The following OSBP2 variants were observed in gnomAD, a reference collection of about 807,000 sequenced individuals.
OSBP2 encodes oxysterol binding protein 2.
OSBP2 carries 66 observed loss-of-function variants against 96.0 expected under a neutral mutation model. That is an observed-to-expected ratio of 0.69 (90% CI 0.56 to 0.84). The LOEUF is 0.84. Ranked by LOEUF, OSBP2 falls within the 40% of genes least tolerant of loss-of-function variation. The pLI, the probability that OSBP2 is intolerant of heterozygous loss-of-function variation, is 0.00. For missense variants in OSBP2, 1,038 were observed against 1,222.7 expected (o/e 0.85, Z 2.25); for synonymous variants, 525 against 520.9 (o/e 1.01, Z -0.11).
rs552583184 is a variant in OSBP2, at chr22:30,834,905, T to C, written c.854-35524T>C. ...ATCTTGGCTCACTGCAACCTCTGCC[T>C]CCTGGGTTCAAGTGATTCTCATTCC... On this transcript the variant is annotated intron_variant, in intron 2 of 13. Coordinates refer to ENST00000332585, the MANE Select transcript of OSBP2 (RefSeq NM_030758.4). Among the ~76,000 whole-genome samples the C allele has an allele frequency of 3.7e-4, 57 of 152,168 alleles. 1 individual carries two copies. The South Asian group carries it at 7.9e-3, about 21-fold the overall frequency.
chr22:30,834,847 G>A (rs1215594959), intron 2 of OSBP2, among the ~76,000 whole-genome samples: 4 of 148,646 alleles, frequency 2.7e-5, no homozygotes, highest in African/African-American at 5.0e-5. Context: ...ATGGAGTCTC[G>A]CTTGGTCGCC....
Position 30,778,169 on chromosome 22 carries a change from C to CTTTTTTTTTTTTTTTTTTTTTTTTT in OSBP2, c.853+36800_853+36801insTTTTTTTTTTTTTTTTTTTTTTTTT, listed in dbSNP as rs1569119423. Among the ~76,000 whole-genome samples the CTTTTTTTTTTTTTTTTTTTTTTTTT allele has an allele frequency of 4.8e-5, 6 of 124,184 alleles. 1 individual carries two copies. Among genetic ancestry groups the CTTTTTTTTTTTTTTTTTTTTTTTTT allele is most frequent in the Admixed American group, 1.7e-4 (2 of 11,604 alleles). 81.5% of individuals were successfully genotyped at this position (124,184 alleles called of 152,430 possible). ...ACCAGCATGCCCGGCTAATTTTTGC[C>CTTTTTTTTTTTTTTTTTTTTTTTTT]CTTTTTTTTTTTTTTTTTTTTAGTA... On this transcript the variant is annotated intron_variant, in intron 2 of 13. Transcript: ENST00000332585.
At chr22:30,774,951 A>G (rs2090410032) in intron 2 of OSBP2, among the ~76,000 whole-genome samples, 1 of 152,208 alleles carries the variant, frequency 6.6e-6, no homozygotes, top group South Asian at 2.1e-4. Flanking sequence ...ATACACGTAT[A>G]TGGTCCCCGT....
chr22:30,801,127 A>G (rs769874722), intron 2 of OSBP2, among the ~76,000 whole-genome samples: 19 of 152,192 alleles, frequency 1.2e-4, no homozygotes, highest in Non-Finnish European at 2.2e-4. Flanking sequence ...CTTGGCAAAC[A>G]TTGGGTGTTT....
chr22:30,844,873 C>T (rs1477175408), intron 2 of OSBP2, among the ~76,000 whole-genome samples: 1 of 152,136 alleles, frequency 6.6e-6, no homozygotes, highest in Admixed American at 6.5e-5. Context: ...AAGTGAGAGC[C>T]ATGCAACTCT....
At position 30,888,213 on chromosome 22, in the gene OSBP2, G is replaced by A. The variant is rs1602419310; in HGVS notation, c.1301-10G>A. 3 of 1,543,276 alleles carry A rather than the reference G, an allele frequency of 1.9e-6. No individual in the cohort carries two copies. Among genetic ancestry groups the A allele is most frequent in the African/African-American group, 1.4e-5 (1 of 73,456 alleles). On this transcript the variant is annotated splice_polypyrimidine_tract_variant and intron_variant, in intron 4 of 13. Transcript: ENST00000332585. ...GAGGTTACAAATTAAAGCTCTGTCT[G>A]TGTCTCTAGGAAGCCTCTTGACTCC...
rs1422560692 is a variant in OSBP2 at position 30,905,964 on chromosome 22, G to T, written c.2503G>T (p.Asp835Tyr). The change falls in exon 13 of 14, where the codon GAC (aspartate) becomes TAC (tyrosine). Residue 835 changes from aspartate (D) to tyrosine (Y), a missense_variant. Around this residue, in one of 3 missense-constraint regions of OSBP2, gnomAD observed 737 missense variants for 913.3 expected, o/e 0.81. Coordinates refer to ENST00000332585, the MANE Select transcript of OSBP2 (RefSeq NM_030758.4). The part of the protein sequence containing the change: ...DQRLMEKGRW[D>Y]EANTEKQRLE... ...GCGGCTGATGGAGAAGGGCCGTTGG[G>T]ACGAGGCCAATACCGAGAAGCAGCG... The T allele has an allele frequency of 6.2e-7, 1 of 1,610,478 alleles. No homozygotes were observed. The highest frequency in any genetic ancestry group is 2.2e-5 in the East Asian group (1 of 44,782).
chr22:30,841,054 A>G (rs1268336740), intron 2 of OSBP2, among the ~76,000 whole-genome samples: 1 of 152,030 alleles, frequency 6.6e-6, no homozygotes, highest in Non-Finnish European at 1.5e-5. Flanking sequence ...AACCCCAGCT[A>G]CTTGGGGGTC....
chr22:30,736,571 G>C (rs2089858978), intron 1 of OSBP2, among the ~76,000 whole-genome samples: 1 of 152,152 alleles, frequency 6.6e-6, no homozygotes, highest in South Asian at 2.1e-4. Context: ...GCATTAAATT[G>C]TTAAAATTTT....
intron 1 of OSBP2, among the ~76,000 whole-genome samples, chr22:30,701,302 T>A (rs1450536343): frequency 6.6e-6 from 1 of 152,014 alleles, no homozygotes; most frequent in Non-Finnish European, 1.5e-5. Context: ...TATTGTACTG[T>A]TTTCAATGTC....
chr22:30,740,281 C>T (rs1325810511), intron 1 of OSBP2, among the ~76,000 whole-genome samples: 3 of 152,092 alleles, frequency 2.0e-5, no homozygotes, highest in Non-Finnish European at 4.4e-5. Context: ...AGGTGGGGGC[C>T]ACAAGATCAG....
chr22:30,698,148 G>A (rs780670376), intron 1 of OSBP2, among the ~76,000 whole-genome samples: 24 of 152,156 alleles, frequency 1.6e-4, no homozygotes, highest in Non-Finnish European at 1.8e-4. Flanking sequence ...GTTTTCGGAT[G>A]CGCCAAATGT....
intron 2 of OSBP2, among the ~76,000 whole-genome samples, chr22:30,790,022 G>T (rs765243127): frequency 6.6e-6 from 1 of 152,282 alleles, no homozygotes; most frequent in South Asian, 2.1e-4. Flanking sequence ...AAGAAGCAAT[G>T]TGCAAGGGGA....
intron 2 of OSBP2, among the ~76,000 whole-genome samples, chr22:30,861,916 T>C (rs1431445818): frequency 6.6e-6 from 1 of 152,160 alleles, no homozygotes; most frequent in Non-Finnish European, 1.5e-5. Context: ...TCCTGCCCCT[T>C]CCTCTCCCTG....
At position 30,741,231 on chromosome 22, in the gene OSBP2, G is replaced by A. The variant is rs1314551621; in HGVS notation, c.715G>A (p.Asp239Asn). Reference protein sequence around the residue: ...NLSTAHIDTEDSCGILLTSGA... With the variant: ...NLSTAHIDTENSCGILLTSGA... ...GTCCACCGCGCACATTGACACGGAG[G>A]ACTCTTGTGGTATCTTGCTGACCAG... The change falls in exon 2 of 14, where the codon GAC becomes AAC. Residue 239 changes from aspartate (D) to asparagine (N), a missense_variant. By Grantham distance (23) the Asp-to-Asn change is conservative. Around this residue, in one of 3 missense-constraint regions of OSBP2, gnomAD observed 737 missense variants for 913.3 expected, o/e 0.81. Transcript: ENST00000332585. 9 of 1,614,060 alleles carry A rather than the reference G, an allele frequency of 5.6e-6. No homozygotes were observed. In the African/African-American group the frequency reaches 6.7e-5, roughly 12 times the overall value.
intron 2 of OSBP2, among the ~76,000 whole-genome samples, chr22:30,862,699 C>T (rs944149210): frequency 2.6e-5 from 4 of 151,220 alleles, no homozygotes; most frequent in African/African-American, 4.9e-5. Context: ...AAAGGCTAGG[C>T]GCGGTGGCTT....
At chr22:30,755,111 C>G (rs1011950096) in intron 2 of OSBP2, among the ~76,000 whole-genome samples, 1 of 152,192 alleles carries the variant, frequency 6.6e-6, no homozygotes, top group African/African-American at 2.4e-5. Flanking sequence ...ACTTGTGTCC[C>G]CCTGTGGGCA....
chr22:30,702,660 TCTC>T (rs1285865653), intron 1 of OSBP2, among the ~76,000 whole-genome samples: 1 of 152,018 alleles, frequency 6.6e-6, no homozygotes, highest in African/African-American at 2.4e-5. Flanking sequence ...AACAGTACCT[TCTC>T]CTGTGTAAGC....
intron 2 of OSBP2, among the ~76,000 whole-genome samples, chr22:30,813,735 C>CT (rs2091042552): frequency 6.6e-6 from 1 of 151,890 alleles, no homozygotes; most frequent in Non-Finnish European, 1.5e-5. Context: ...TAGCACCAGC[C>CT]TTGTGTAGGG....
Sources: allele counts gnomAD v4.1 joint callset (sites outside exome capture counted in the v4.1 genomes callset), GRCh38; gene constraint gnomAD v4.1.1; regional missense constraint gnomAD v4.1.1; transcripts MANE v1.5; gene names NCBI Gene and HGNC (gene_info 2026-07-23, HGNC 2026-07-21).